RPP40: variants seen among roughly 807,000 people sequenced by gnomAD.
RPP40 encodes the protein ribonuclease P/MRP subunit p40.
In RPP40, 30 loss-of-function variants were observed where a neutral mutation model predicts 42.5. The observed-to-expected ratio is 0.71, with a 90% CI of 0.53 to 0.96. The LOEUF (loss-of-function observed/expected upper bound fraction) is 0.96. RPP40 is among the 40% of genes least tolerant of loss of function. The pLI, the probability that RPP40 is intolerant of heterozygous loss-of-function variation, is 0.00. For missense variants in RPP40, 426 were observed against 433.5 expected (o/e 0.98, Z 0.15); for synonymous variants, 173 against 164.0 (o/e 1.05, Z -0.42).
intron 5 of RPP40, 72 bp downstream of exon 5, chr6:4,998,644 C>T: frequency 9.8e-7 from 1 of 1,025,272 alleles, no homozygotes; most frequent in Non-Finnish European, 1.4e-6. Flanking sequence ...ACCATTCAAT[C>T]CTCCATTACT....
chr6:4,995,230 C>G lies in RPP40; in HGVS notation c.940G>C (p.Val314Leu), dbSNP rs12332997. The G allele has an allele frequency of 5.0e-6, 8 of 1,613,972 alleles. No individual in the cohort carries two copies. In the South Asian group the frequency reaches 8.8e-5, roughly 18 times the overall value. Residue 314 changes from valine (V) to leucine (L), a missense_variant, in exon 8 of 8, where the codon GTT becomes CTT. Coordinates refer to ENST00000380051, the MANE Select transcript of RPP40 (RefSeq NM_006638.4). ...ACAGGGCTGTCTGCAAAGCCTTGAA[C>G]GGACAGTGTAACCCATGGAGCTAAC... ...PKLAPWVTLS[V>L]QGFADSPVSW...
intron 7 of RPP40, 122 bp from the exon 8 acceptor site, chr6:4,995,398 T>A: frequency 2.7e-6 from 2 of 731,450 alleles, no homozygotes; most frequent in Middle Eastern, 3.2e-4. Context: ...ATCTTAGCTT[T>A]AATTTTTGAA....
rs1340097804 is a variant in RPP40 at position 5,001,978 on chromosome 6, C to T, written c.268+123G>A. On this transcript the variant is annotated intron_variant, in intron 2 of 7. Coordinates refer to ENST00000380051, the MANE Select transcript of RPP40 (RefSeq NM_006638.4). Reference sequence around the variant, plus strand: ...GAATGCGGGGGAGAACGCGTGTGCACCTGACCACACAGACTATACCACAGG... The same window carrying T: ...GAATGCGGGGGAGAACGCGTGTGCATCTGACCACACAGACTATACCACAGG... The T allele has an allele frequency of 7.4e-6, 6 of 812,372 alleles. No individual in the cohort carries two copies. The Admixed American group carries it at 1.3e-4, about 17-fold the overall frequency. The allele number at this position is 812,372 out of a possible 1,614,324, so 50.3% of individuals were successfully genotyped here. A position where few individuals can be genotyped will look rare whatever the true frequency, so the allele number is the denominator to read the frequency against.
chr6:4,998,783 T>G lies in RPP40; in HGVS notation c.492A>C (p.Arg164Ser), dbSNP rs1759457201. ...TCTTTTCTTTGAAAGACCAAGATAT[T>G]CTTTCATACTTCTTAGAATCCAAGT... ...SLNLDSKKYE[R>S]ISWSFKEKKP... Residue 164 changes from arginine (R) to serine (S), a missense_variant, in exon 5 of 8, where the codon AGA (arginine) becomes AGC (serine). Arg to Ser is a moderately radical substitution (Grantham distance 110). Coordinates refer to ENST00000380051, the MANE Select transcript of RPP40 (RefSeq NM_006638.4). The G allele has an allele frequency of 1.3e-6, 2 of 1,523,380 alleles. No individual in the cohort carries two copies. Among genetic ancestry groups the G allele is most frequent in the Non-Finnish European group, 1.8e-6 (2 of 1,116,622 alleles). 94.4% of individuals were successfully genotyped at this position (1,523,380 alleles called of 1,614,324 possible). A position where few individuals can be genotyped will look rare whatever the true frequency, so the allele number is the denominator to read the frequency against.
At chr6:4,996,543 G>A in intron 5 of RPP40, 123 bp from the exon 6 acceptor site, 2 of 805,128 alleles carry the variant, frequency 2.5e-6, no homozygotes, top group Non-Finnish European at 4.0e-6. Context: ...AAGCTGTGCA[G>A]AGCTGCATTC....
chr6:4,997,811 C>G (rs1759427006), intron 5 of RPP40, among the ~76,000 whole-genome samples: 1 of 152,134 alleles, frequency 6.6e-6, no homozygotes, highest in Non-Finnish European at 1.5e-5. Flanking sequence ...AGCAGGCTAC[C>G]TAGTTAGCCT....
intron 1 of RPP40, among the ~76,000 whole-genome samples, chr6:5,003,067 G>A (rs115949654): frequency 0.027 from 4,182 of 152,144 alleles, 79 homozygotes; most frequent in South Asian, 0.05. Flanking sequence ...CAGTCGCTTC[G>A]GCCGGGCGCG....
intron 2 of RPP40, chr6:5,001,740 G>A: frequency 5.5e-6 from 1 of 181,346 alleles, no homozygotes; most frequent in South Asian, 1.4e-4. Flanking sequence ...AACCCTCTGA[G>A]ACAGCTGCTG....
At chr6:4,993,493 G>A (rs1457950523), downstream of RPP40, among the ~76,000 whole-genome samples, 4 of 152,066 alleles carry the variant, frequency 2.6e-5, no homozygotes, top group South Asian at 2.1e-4. Flanking sequence ...GAGACTTAAC[G>A]GCCTGCTTCT....
intron 1 of RPP40, 63 bp from the exon 2 acceptor site, chr6:5,002,308 G>T: frequency 7.5e-7 from 1 of 1,333,158 alleles, no homozygotes. Context: ...CAGGTTTTTA[G>T]GAATGAAACA....
At chr6:4,994,163 G>C (rs577584593), downstream of RPP40, among the ~76,000 whole-genome samples, 2 of 144,718 alleles carry the variant, frequency 1.4e-5, no homozygotes, top group African/African-American at 5.1e-5. Flanking sequence ...ACCAAACACC[G>C]CATGTTTTCA....
intron 5 of RPP40, among the ~76,000 whole-genome samples, chr6:4,998,124 C>A (rs1759437537): frequency 6.6e-6 from 1 of 152,188 alleles, no homozygotes; most frequent in Non-Finnish European, 1.5e-5. Flanking sequence ...TGCTTCCTAT[C>A]CTCCAAAAGA....
Position 4,996,438 on chromosome 6 carries a change from C to A in RPP40, c.560-18G>T. 1.2e-6 allele frequency: 2 copies of A among 1,610,816 alleles called. No homozygotes were observed. Among genetic ancestry groups the A allele is most frequent in the Non-Finnish European group, 1.7e-6 (2 of 1,179,662 alleles). Reference sequence around the variant, plus strand: ...TTCTGAACCTTAAAAACACACCACACAAGGCCATTTGAATCCATCTGACCA... The same window carrying A: ...TTCTGAACCTTAAAAACACACCACAAAAGGCCATTTGAATCCATCTGACCA... On this transcript the variant is annotated intron_variant, in intron 5 of 7. Transcript: ENST00000380051.
At chr6:4,990,426 C>T (rs275254), downstream of RPP40, among the ~76,000 whole-genome samples, 45,303 of 151,922 alleles carry the variant, frequency 0.3, 7,329 homozygotes, top group African/African-American at 0.43. Flanking sequence ...ATAATTTTGG[C>T]ACTAGGATAA....
Position 4,998,715 on chromosome 6 carries a change from C to A in RPP40, c.559+1G>T. On this transcript the variant is annotated splice_donor_variant, in intron 5 of 7. Transcript: ENST00000380051. LOFTEE classifies it high-confidence loss of function. ...ATCATTACATAATTTATTCCTCATACCTGTTTTATGCCAAGCCAAAAGAAA... is the reference window on the plus strand; with the variant it reads ...ATCATTACATAATTTATTCCTCATAACTGTTTTATGCCAAGCCAAAAGAAA... The A allele has an allele frequency of 2.0e-6, 3 of 1,536,388 alleles. No individual in the cohort carries two copies. The highest frequency in any genetic ancestry group is 1.4e-5 in the African/African-American group (1 of 71,428).
the RPP40 span, among the ~76,000 whole-genome samples, chr6:4,989,676 TTA>T: frequency 5.3e-5 from 8 of 152,206 alleles, no homozygotes; most frequent in Non-Finnish European, 1.0e-4. Context: ...TCCCAGGTAT[TTA>T]TGCTATTGCA....
chr6:4,998,629 G>T, intron 5 of RPP40, 87 bp downstream of exon 5: 1 of 869,724 alleles, frequency 1.1e-6, no homozygotes, highest in Non-Finnish European at 1.7e-6. Context: ...ACTAAAGAGT[G>T]AATCACCATT....
Position 4,996,324 on chromosome 6 carries a change from C to G in RPP40, c.656G>C (p.Cys219Ser). 6.2e-7 allele frequency: 1 copy of G among 1,614,188 alleles called. No homozygotes were observed. The highest frequency in any genetic ancestry group is 8.5e-7 in the Non-Finnish European group (1 of 1,180,042). Residue 219 changes from cysteine to serine, a missense_variant, in exon 6 of 8, where the codon TGC becomes TCC. Physicochemically the swap from Cys to Ser is moderately radical, Grantham distance 112 (BLOSUM62 -1). Coordinates refer to ENST00000380051, the MANE Select transcript of RPP40 (RefSeq NM_006638.4). ...VALSTLRDLQ[C>S]PVLQSSELEG... is the part of the protein sequence containing the mutation. The stretch of plus-strand genomic sequence containing the variant: ...CAGCTCGCTGCTCTGCAGCACTGGG[C>G]ACTGGAGATCTCTCAACGTGCTCAG...
At chr6:4,997,915 G>A (rs12191838) in intron 5 of RPP40, among the ~76,000 whole-genome samples, 8,094 of 152,264 alleles carry the variant, frequency 0.053, 313 homozygotes, top group African/African-American at 0.11. Flanking sequence ...AGAATCCAAC[G>A]TCTGGATGAT....
Sources: gnomAD v4.1 joint callset for allele counts (sites outside exome capture counted in the v4.1 genomes callset) on GRCh38, gnomAD v4.1.1 for gene constraint, MANE v1.5 for transcripts, NCBI Gene and HGNC (gene_info 2026-07-23, HGNC 2026-07-21) for gene names.